DRAP1: variants seen among roughly 807,000 people sequenced by gnomAD.
DRAP1 encodes the protein dr1-associated corepressor.
DRAP1 carries 10 observed loss-of-function variants against 24.1 expected under a neutral mutation model. That is an observed-to-expected ratio of 0.41 (90% CI 0.26 to 0.70). The LOEUF (loss-of-function observed/expected upper bound fraction) is 0.70. DRAP1 is among the 30% of genes least tolerant of loss of function. DRAP1 has a pLI of 0.29. For synonymous variants in DRAP1, 122 were observed against 113.8 expected (o/e 1.07, Z -0.46); for missense variants, 264 against 275.6 (o/e 0.96, Z 0.30).
chr11:65,919,588 G>C, intron 1 of DRAP1, 45 bp downstream of exon 1: 1 of 1,547,840 alleles, frequency 6.5e-7, no homozygotes, highest in Non-Finnish European at 8.7e-7. Context: ...CGGCTCCCGG[G>C]TGGCTTGGGC....
Position 65,920,596 on chromosome 11 carries a change from G to T in DRAP1, c.357G>T (p.Arg119=). 6.3e-7 allele frequency: 1 copy of T among 1,575,002 alleles called. No homozygotes were observed. The highest frequency in any genetic ancestry group is 8.6e-7 in the Non-Finnish European group (1 of 1,160,454). ...RRGRKPGSGG[R]KNGGMGTKSK... The stretch of plus-strand genomic sequence containing the variant: ...GCCGGAAGCCAGGCAGCGGCGGCCG[G>T]AAGAACGGTGGGATGGGAACGAAAA... Residue 119 remains arginine (R), a synonymous_variant, in exon 5 of 7, where the codon CGG becomes CGT. Coordinates refer to ENST00000312515, the MANE Select transcript of DRAP1 (RefSeq NM_006442.4).
chr11:65,921,444 GC>G lies in DRAP1; in HGVS notation c.*15del. On this transcript the variant is annotated 3_prime_UTR_variant, in exon 7 of 7. Coordinates refer to ENST00000312515, the MANE Select transcript of DRAP1 (RefSeq NM_006442.4). The stretch of plus-strand genomic sequence containing the variant: ...AAGATTACGACTCCTAGCGCCTTCT[GC>G]CCCCCAGACCATAGCCCCTTTTAGT... The G allele has an allele frequency of 7.2e-6, 11 of 1,522,636 alleles. No homozygotes were observed. Among genetic ancestry groups the G allele is most frequent in the Non-Finnish European group, 1.0e-5 (11 of 1,097,940 alleles). The allele number at this position is 1,522,636 out of a possible 1,614,324, so 94.3% of individuals were successfully genotyped here. A position where few individuals can be genotyped will look rare whatever the true frequency, so the allele number is the denominator to read the frequency against.
chr11:65,920,489 G>A (rs1854534254), intron 4 of DRAP1, 27 bp downstream of exon 4: 1 of 1,613,476 alleles, frequency 6.2e-7, no homozygotes, highest in Admixed American at 1.7e-5. Context: ...GCATACAGTG[G>A]GGAAGGCCAA....
Position 65,919,547 on chromosome 11 carries a change from A to G in DRAP1, c.42+4A>G, listed in dbSNP as rs2134832703. The G allele has an allele frequency of 6.5e-7, 1 of 1,547,402 alleles. No individual in the cohort carries two copies. Among genetic ancestry groups the G allele is most frequent in the Non-Finnish European group, 8.7e-7 (1 of 1,145,770 alleles). ...GTACAACGCGCGGTTCCCGCCGGTG[A>G]GCACGTGGCAGAGCCCGGCAGGAGT... On this transcript the variant is annotated splice_donor_region_variant and intron_variant, in intron 1 of 6. Transcript: ENST00000312515.
Position 65,920,389 on chromosome 11 carries a change from C to G in DRAP1, c.256C>G (p.Leu86Val). 6.2e-7 allele frequency: 1 copy of G among 1,614,156 alleles called. No homozygotes were observed. Among genetic ancestry groups the G allele is most frequent in the Non-Finnish European group, 8.5e-7 (1 of 1,180,038 alleles). The part of the protein sequence containing the change: ...LEQQFDFLKD[L>V]VASVPDMQGD... ...GCAGCAGTTTGACTTCTTGAAGGAC[C>G]TGGTGGCATCTGTTCCCGACATGCA... Residue 86 changes from leucine to valine, a missense_variant, in exon 4 of 7, where the codon CTG (leucine) becomes GTG (valine). Physicochemically the swap from Leu to Val is conservative, Grantham distance 32. This residue lies in a region of DRAP1 where 243 missense variants were observed against 233.6 expected (regional missense o/e 1.04). Transcript: ENST00000312515.
In DRAP1 at chr11:65,919,485, G is replaced by A; in HGVS notation, c.-17G>A. The A allele has an allele frequency of 6.5e-7, 1 of 1,535,322 alleles. No homozygotes were observed. Among genetic ancestry groups the A allele is most frequent in the Non-Finnish European group, 8.8e-7 (1 of 1,141,432 alleles). On this transcript the variant is annotated 5_prime_UTR_variant, in exon 1 of 7. Transcript: ENST00000312515. ...GGGCGGCGGCGCTGGACCCGACGCG[G>A]CGAGAGAGGCCCCGAGATGCCGAGC...
At chr11:65,919,607 C>T (rs1854521505) in intron 1 of DRAP1, 64 bp downstream of exon 1, 1 of 1,544,462 alleles carries the variant, frequency 6.5e-7, no homozygotes, top group Non-Finnish European at 8.7e-7. Flanking sequence ...GCCCAGTTCC[C>T]GCTGGGCAGG....
chr11:65,920,239 C>A (rs1455925371), intron 3 of DRAP1, 104 bp from the exon 4 acceptor site: 3 of 1,550,402 alleles, frequency 1.9e-6, no homozygotes, highest in African/African-American at 2.7e-5. Context: ...GAGCGGAGAT[C>A]GGCCCGGGCT....
chr11:65,920,470 C>G lies in DRAP1; in HGVS notation c.329+8C>G. 6.2e-7 allele frequency: 1 copy of G among 1,613,880 alleles called. No homozygotes were observed. The highest frequency in any genetic ancestry group is 8.5e-7 in the Non-Finnish European group (1 of 1,179,860). ...GGACAAGGGCGCCCGCAGGTGGGGC[C>G]AGGGCCTGGCATACAGTGGGGAAGG... On this transcript the variant is annotated splice_region_variant and intron_variant, in intron 4 of 6. Coordinates refer to ENST00000312515, the MANE Select transcript of DRAP1 (RefSeq NM_006442.4).
chr11:65,920,550 G>T lies in DRAP1; in HGVS notation c.330-19G>T. On this transcript the variant is annotated intron_variant, in intron 4 of 6. Coordinates refer to ENST00000312515, the MANE Select transcript of DRAP1 (RefSeq NM_006442.4). ...GGAGTAGGGAGCACTCCGGGCAGAT[G>T]GACTGTACCTTCCCAAAGGGGCCGG... The T allele has an allele frequency of 6.2e-7, 1 of 1,603,606 alleles. No homozygotes were observed. Among genetic ancestry groups the T allele is most frequent in the Non-Finnish European group, 8.5e-7 (1 of 1,174,608 alleles).
At chr11:65,921,161 G>C in intron 6 of DRAP1, 169 bp from the exon 7 acceptor site, 1 of 677,956 alleles carries the variant, frequency 1.5e-6, no homozygotes. Context: ...GCCAGGGCCC[G>C]TGGGTGGGGC....
intron 3 of DRAP1, 43 bp from the exon 4 acceptor site, chr11:65,920,300 T>TCTGGGCCC (rs771499670): frequency 6.2e-7 from 1 of 1,612,180 alleles, no homozygotes; most frequent in Non-Finnish European, 8.5e-7. Flanking sequence ...GGTTTGGGTG[T>TCTGGGCCC]CTGGGCCCCT....
intron 4 of DRAP1, 25 bp from the exon 5 acceptor site, chr11:65,920,544 G>A (rs1011422452): frequency 1.2e-6 from 2 of 1,606,396 alleles, no homozygotes; most frequent in African/African-American, 1.3e-5. Flanking sequence ...AGCACTCCGG[G>A]CAGATGGACT....
chr11:65,920,796 G>A (rs1421698443), intron 5 of DRAP1, 88 bp from the exon 6 acceptor site: 4 of 1,477,516 alleles, frequency 2.7e-6, no homozygotes, highest in South Asian at 2.6e-5. Flanking sequence ...TGTAAATTGG[G>A]GCTATGAGGG....
chr11:65,920,526 G>C, intron 4 of DRAP1, 43 bp from the exon 5 acceptor site: 1 of 1,610,744 alleles, frequency 6.2e-7, no homozygotes, highest in Non-Finnish European at 8.5e-7. Context: ...GGTGGCCAAG[G>C]AGTAGGGAGC....
chr11:65,920,270 C>T, intron 3 of DRAP1, 73 bp from the exon 4 acceptor site: 1 of 1,600,800 alleles, frequency 6.2e-7, no homozygotes, highest in Non-Finnish European at 8.5e-7. Context: ...ATCTGGGGCC[C>T]CTTGCTGCCA....
Position 65,921,478 on chromosome 11 carries a change from A to G in DRAP1, c.*43A>G, listed in dbSNP as rs746383422. On this transcript the variant is annotated 3_prime_UTR_variant, in exon 7 of 7. Coordinates refer to ENST00000312515, the MANE Select transcript of DRAP1 (RefSeq NM_006442.4). ...ACCATAGCCCCTTTTAGTTGGTTTT[A>G]GTTGCTCTGGGGGGAGGAGAGAAGG... is the stretch of plus-strand genomic sequence containing the variant. 2.0e-6 allele frequency: 2 copies of G among 1,003,138 alleles called. No individual in the cohort carries two copies. The highest frequency in any genetic ancestry group is 3.1e-6 in the Non-Finnish European group (2 of 641,740). 62.1% of individuals were successfully genotyped at this position (1,003,138 alleles called of 1,614,324 possible). A position where few individuals can be genotyped will look rare whatever the true frequency, so the allele number is the denominator to read the frequency against.
chr11:65,919,878 C>T (rs1272609284), intron 2 of DRAP1, 26 bp downstream of exon 2: 1 of 1,613,288 alleles, frequency 6.2e-7, no homozygotes, highest in Non-Finnish European at 8.5e-7. Flanking sequence ...CGGACCGGGT[C>T]GAGGGGCGTG....
chr11:65,920,083 G>A, intron 3 of DRAP1, 42 bp downstream of exon 3: 2 of 1,598,004 alleles, frequency 1.3e-6, no homozygotes, highest in Non-Finnish European at 1.7e-6. Flanking sequence ...GGTTTGGCGC[G>A]GGGAGTTCAC....
Sources: allele counts gnomAD v4.1 joint callset, GRCh38; gene constraint gnomAD v4.1.1; regional missense constraint gnomAD v4.1.1; transcripts MANE v1.5; gene names NCBI Gene and HGNC (gene_info 2026-07-23, HGNC 2026-07-21).